MAN1C1: variants seen among roughly 807,000 people sequenced by gnomAD.
MAN1C1 encodes the protein mannosyl-oligosaccharide 1,2-alpha-mannosidase IC.
A neutral mutation model predicts 71.5 loss-of-function variants in MAN1C1; 49 were observed. The ratio of observed to expected loss-of-function variants is 0.69; its 90% CI spans 0.54 to 0.87. The LOEUF is 0.87. Among genes scored for constraint, MAN1C1 ranks in the 40% least tolerant of loss-of-function variants. The pLI is 0.00. For missense variants in MAN1C1, 743 were observed against 835.0 expected (o/e 0.89, Z 1.36); for synonymous variants, 352 against 343.7 (o/e 1.02, Z -0.27).
At chr1:25,651,231 A>C (rs1348511625) in intron 1 of MAN1C1, among the ~76,000 whole-genome samples, 1 of 152,234 alleles carries the variant, frequency 6.6e-6, no homozygotes, top group Non-Finnish European at 1.5e-5. Flanking sequence ...AAGCGGGCAG[A>C]CTGGCCCTGG....
Position 25,778,382 on chromosome 1 carries a change from C to A in MAN1C1, c.1477+58C>A. The A allele has an allele frequency of 6.6e-7, 1 of 1,513,396 alleles. No individual in the cohort carries two copies. The highest frequency in any genetic ancestry group is 8.9e-7 in the Non-Finnish European group (1 of 1,117,840). The allele number at this position is 1,513,396 out of a possible 1,614,324, so 93.7% of individuals were successfully genotyped here. A position where few individuals can be genotyped will look rare whatever the true frequency, so the allele number is the denominator to read the frequency against. ...GACTGAGGCTAGACACCAGGAAGAA[C>A]TGGAAAGACCGGCAGCAGTGAGCGA... is the stretch of plus-strand genomic sequence containing the variant. On this transcript the variant is annotated intron_variant, in intron 9 of 11. Coordinates refer to ENST00000374332, the MANE Select transcript of MAN1C1 (RefSeq NM_020379.4). The surrounding 1 kb of genome is among the most constrained non-coding windows in gnomAD (Gnocchi z 5.5).
chr1:25,715,839 C>T (rs2046672563), intron 2 of MAN1C1, among the ~76,000 whole-genome samples: 1 of 152,158 alleles, frequency 6.6e-6, no homozygotes, highest in South Asian at 2.1e-4. Context: ...TCAGGAAACC[C>T]AAAATAGCAA....
Position 25,753,232 on chromosome 1 carries a change from A to AT in MAN1C1, c.835-248dup, listed in dbSNP as rs1238294020. Among the ~76,000 whole-genome samples, 1 of 151,944 alleles carries AT rather than the reference A, an allele frequency of 6.6e-6. No individual in the cohort carries two copies. The highest frequency in any genetic ancestry group is 1.5e-5 in the Non-Finnish European group (1 of 68,004). On this transcript the variant is annotated intron_variant, in intron 4 of 11. Transcript: ENST00000374332. The surrounding 1 kb of genome is among the most constrained non-coding windows in gnomAD (Gnocchi z 4.9). ...GTAGATGCTTTGCCACAATTATCTAATTTTCATTTCTCCCAACAACTCTCT... is the reference window on the plus strand; with the variant it reads ...GTAGATGCTTTGCCACAATTATCTAATTTTTCATTTCTCCCAACAACTCTCT...
At chr1:25,765,819 C>T (rs950403501) in intron 7 of MAN1C1, among the ~76,000 whole-genome samples, 8 of 152,264 alleles carry the variant, frequency 5.3e-5, no homozygotes, top group African/African-American at 1.9e-4. Flanking sequence ...CAGGAATTTC[C>T]CCCAGGGACG....
chr1:25,723,902 C>T (rs942508482), intron 2 of MAN1C1, among the ~76,000 whole-genome samples: 5 of 152,020 alleles, frequency 3.3e-5, no homozygotes, highest in African/African-American at 7.2e-5. Flanking sequence ...GCCTGGGCTG[C>T]GGGATACTGT....
intron 2 of MAN1C1, among the ~76,000 whole-genome samples, chr1:25,721,751 T>G (rs1283101145): frequency 6.6e-6 from 1 of 152,224 alleles, no homozygotes; most frequent in Non-Finnish European, 1.5e-5. Flanking sequence ...TGGATGCCTT[T>G]TATTTCTCTC....
intron 1 of MAN1C1, among the ~76,000 whole-genome samples, chr1:25,641,254 A>G (rs1282679105): frequency 1.3e-5 from 2 of 152,228 alleles, no homozygotes; most frequent in Non-Finnish European, 2.9e-5. Context: ...CATACAGAGC[A>G]TGGGCTGTCA....
At chr1:25,717,941 T>G (rs1170018030) in intron 2 of MAN1C1, among the ~76,000 whole-genome samples, 1 of 152,168 alleles carries the variant, frequency 6.6e-6, no homozygotes, top group Non-Finnish European at 1.5e-5. Flanking sequence ...AAAATCAGTC[T>G]TTTTCTTTTT....
At chr1:25,714,810 G>C (rs2046659068) in intron 2 of MAN1C1, among the ~76,000 whole-genome samples, 1 of 152,168 alleles carries the variant, frequency 6.6e-6, no homozygotes, top group Non-Finnish European at 1.5e-5. Context: ...CCACAAGCTG[G>C]TGGTACCCTG....
rs71014385 is a variant in MAN1C1, at chr1:25,761,620, C to CTTTTTTTTTTT, written c.1048-2243_1048-2233dup. On this transcript the variant is annotated intron_variant, in intron 6 of 11. Transcript: ENST00000374332. ...ACCATTCTACTCTCTACCTCTACTT[C>CTTTTTTTTTTT]TTTTTTTTTTTTTTTTTTTTTGAGA... 91 of 95,816 alleles carry CTTTTTTTTTTT rather than the reference C, an allele frequency of 9.5e-4. 3 individuals are homozygous for CTTTTTTTTTTT. The highest frequency in any genetic ancestry group is 1.9e-3 in the African/African-American group (43 of 23,044). 5.9% of individuals were successfully genotyped at this position (95,816 alleles called of 1,614,324 possible).
intron 9 of MAN1C1, chr1:25,780,670 C>A (rs2047680217): frequency 2.7e-6 from 1 of 373,180 alleles, no homozygotes; most frequent in African/African-American, 2.1e-5. Context: ...CCTACCCAGA[C>A]TGCTGAGTAG....
intron 6 of MAN1C1, chr1:25,759,929 G>C (rs1047693487): frequency 3.9e-5 from 6 of 152,086 alleles, no homozygotes; most frequent in African/African-American, 1.5e-4. Context: ...CATTGAGAGG[G>C]ACTCTGCCTC....
In MAN1C1 at chr1:25,664,583, G is replaced by A. The variant is rs187111355; in HGVS notation, c.541-21857G>A. On this transcript the variant is annotated intron_variant, in intron 1 of 11. Coordinates refer to ENST00000374332, the MANE Select transcript of MAN1C1 (RefSeq NM_020379.4). ...CACTTTTACAGCTCGGCAGCCAATG[G>A]TGGACAGAGTTCAAGTTGAGTTTAC... Among the ~76,000 whole-genome samples, 529 of 152,302 alleles carry A rather than the reference G, an allele frequency of 3.5e-3. 2 individuals carry two copies. The highest frequency in any genetic ancestry group is 0.012 in the African/African-American group (504 of 41,552).
chr1:25,665,324 T>G (rs1394903389), intron 1 of MAN1C1, among the ~76,000 whole-genome samples: 1 of 152,152 alleles, frequency 6.6e-6, no homozygotes, highest in Admixed American at 6.5e-5. Flanking sequence ...CCATTTGCCA[T>G]CACAATATTA....
At chr1:25,742,596 T>A (rs2047077474) in intron 2 of MAN1C1, among the ~76,000 whole-genome samples, 1 of 152,180 alleles carries the variant, frequency 6.6e-6, no homozygotes, top group Non-Finnish European at 1.5e-5. Flanking sequence ...GAGGGCCACA[T>A]GTACTCACTA....
intron 2 of MAN1C1, among the ~76,000 whole-genome samples, chr1:25,736,920 T>C (rs1312362153): frequency 6.6e-6 from 1 of 152,248 alleles, no homozygotes; most frequent in East Asian, 1.9e-4. Context: ...GAACCGGGTC[T>C]GTTTGGCTTC....
Position 25,749,329 on chromosome 1 carries a change from A to T in MAN1C1, c.828A>T (p.Gly276=). 6.2e-7 allele frequency: 1 copy of T among 1,610,686 alleles called. No individual in the cohort carries two copies. The change falls in exon 4 of 12, where the codon GGA becomes GGT. Residue 276 remains glycine (G), a synonymous_variant. Coordinates refer to ENST00000374332, the MANE Select transcript of MAN1C1 (RefSeq NM_020379.4). Reference sequence around the variant, plus strand: ...TCCTCTCAGCCTTCTACCTGACAGGAGAAGAGGTGGGTTGGCCTTTCATGA... The same window carrying T: ...TCCTCTCAGCCTTCTACCTGACAGGTGAAGAGGTGGGTTGGCCTTTCATGA... ...GGLLSAFYLT[G]EEVFRIKAIR...
At chr1:25,657,489 C>G (rs576001565) in intron 1 of MAN1C1, among the ~76,000 whole-genome samples, 1 of 152,310 alleles carries the variant, frequency 6.6e-6, no homozygotes, top group Non-Finnish European at 1.5e-5. Context: ...GTGAATCATC[C>G]GCACACAGAA....
rs1180144774 is a variant in MAN1C1, at chr1:25,775,439, GA to G, written c.1258-2660del. Among the ~76,000 whole-genome samples the G allele has an allele frequency of 6.6e-6, 1 of 152,196 alleles. No individual in the cohort carries two copies. The highest frequency in any genetic ancestry group is 1.5e-5 in the Non-Finnish European group (1 of 68,028). ...TGGGCCCTGACAGGAGAGAAAAAAG[GA>G]AAAAACAGACCCAGGAGTGAGCGAG... On this transcript the variant is annotated intron_variant, in intron 8 of 11. Transcript: ENST00000374332. The surrounding 1 kb of genome is among the most constrained non-coding windows in gnomAD (Gnocchi z 5.1).
Sources: allele counts gnomAD v4.1 joint callset (sites outside exome capture counted in the v4.1 genomes callset), GRCh38; gene constraint gnomAD v4.1.1; non-coding constraint Gnocchi (gnomAD v3.1); transcripts MANE v1.5; gene names NCBI Gene and HGNC (gene_info 2026-07-23, HGNC 2026-07-21).